ITPR2: variants seen among roughly 807,000 people sequenced by gnomAD.
The protein encoded by ITPR2 is inositol 1,4,5-trisphosphate-gated calcium channel ITPR2.
ITPR2 carries 207 observed loss-of-function variants against 317.1 expected under a neutral mutation model. The ratio of observed to expected loss-of-function variants is 0.65; its 90% CI spans 0.58 to 0.73. The LOEUF (loss-of-function observed/expected upper bound fraction) is 0.73, where lower values mean the gene tolerates loss of function less well. Ranked by LOEUF, ITPR2 falls within the 30% of genes least tolerant of loss-of-function variation. ITPR2 has a pLI of 0.00. For missense variants in ITPR2, 2,613 were observed against 3,284.0 expected (o/e 0.80, Z 4.99); for synonymous variants, 1,156 against 1,149.1 (o/e 1.01, Z -0.12).
chr12:26,661,288 G>T (rs77820960), intron 15 of ITPR2, among the ~76,000 whole-genome samples: 2 of 62,088 alleles, frequency 3.2e-5, no homozygotes, highest in Non-Finnish European at 6.4e-5. Flanking sequence ...GGGGGGGGGG[G>T]TGGGAGGGAA....
At chr12:26,711,595 C>T (rs1025197599) in intron 8 of ITPR2, among the ~76,000 whole-genome samples, 1 of 152,150 alleles carries the variant, frequency 6.6e-6, no homozygotes, top group African/African-American at 2.4e-5. Flanking sequence ...TGGCAGCTTG[C>T]ATTAAGAGCC....
At chr12:26,602,886 G>A (rs1438153568) in intron 26 of ITPR2, among the ~76,000 whole-genome samples, 180 bp from the exon 27 acceptor site, 2 of 152,120 alleles carry the variant, frequency 1.3e-5, no homozygotes, top group Non-Finnish European at 2.9e-5. Flanking sequence ...ACTGAGCCAT[G>A]CAAATTACCG....
intron 2 of ITPR2, among the ~76,000 whole-genome samples, chr12:26,777,883 G>A (rs1341789626): frequency 1.3e-5 from 2 of 152,150 alleles, no homozygotes; most frequent in Non-Finnish European, 2.9e-5. Flanking sequence ...CTGGGTAACT[G>A]TGCACTGGAG....
At chr12:26,641,446 GT>G (rs11380165) in intron 21 of ITPR2, among the ~76,000 whole-genome samples, 3 of 148,552 alleles carry the variant, frequency 2.0e-5, no homozygotes, top group Admixed American at 1.3e-4. Flanking sequence ...AAAGCTGTAG[GT>G]TTTTTTTTTA....
chr12:26,745,427 C>T (rs1356375902), intron 2 of ITPR2, among the ~76,000 whole-genome samples: 2 of 152,222 alleles, frequency 1.3e-5, no homozygotes, highest in East Asian at 3.8e-4. Context: ...AATATTCTAA[C>T]AATCCGATTA....
At chr12:26,541,803 TA>T (rs1488900757) in intron 37 of ITPR2, among the ~76,000 whole-genome samples, 1 of 152,034 alleles carries the variant, frequency 6.6e-6, no homozygotes, top group Non-Finnish European at 1.5e-5. Context: ...AAATTAGAAA[TA>T]AAAGATTAGT....
intron 26 of ITPR2, among the ~76,000 whole-genome samples, chr12:26,606,149 G>A (rs903997029): frequency 2.7e-5 from 4 of 149,760 alleles, no homozygotes; most frequent in Non-Finnish European, 4.4e-5. Context: ...GCAAAATGTA[G>A]AAGTATGACT....
intron 37 of ITPR2, among the ~76,000 whole-genome samples, chr12:26,498,908 C>A (rs1249736411): frequency 6.6e-6 from 1 of 152,066 alleles, no homozygotes; most frequent in East Asian, 1.9e-4. Flanking sequence ...ACAATCATAG[C>A]TCATTGCAAC....
intron 49 of ITPR2, among the ~76,000 whole-genome samples, chr12:26,424,434 A>C (rs1940983847): frequency 6.6e-6 from 1 of 152,170 alleles, no homozygotes; most frequent in Admixed American, 6.5e-5. Flanking sequence ...CAAACTTTTA[A>C]GTGTAAATTA....
intron 52 of ITPR2, among the ~76,000 whole-genome samples, chr12:26,404,151 G>GT (rs2136657664): frequency 6.6e-6 from 1 of 152,322 alleles, no homozygotes; most frequent in Admixed American, 6.5e-5. Context: ...CTCAACCAGG[G>GT]TAATGGGAGA....
rs191800025 is a variant in ITPR2, at chr12:26,400,134, C to T, written c.7524G>A (p.Ser2508=). 2.3e-5 allele frequency: 37 copies of T among 1,607,664 alleles called. No homozygotes were observed. In the East Asian group the frequency reaches 3.1e-4, roughly 14 times the overall value. The change falls in exon 53 of 57, where the codon TCG becomes TCA. Residue 2508 remains serine, a synonymous_variant. Coordinates refer to ENST00000381340, the MANE Select transcript of ITPR2 (RefSeq NM_002223.4). ...TACTTTTACTCTGGCTTACATCTTT[C>T]GATGGCCTTCTTAGCACATCCCCCA... The part of the protein sequence containing the change: ...GGVGDVLRRP[S]KDEPLFAARV...
At chr12:26,602,269 T>C in intron 28 of ITPR2, 101 bp downstream of exon 28, 1 of 1,326,412 alleles carries the variant, frequency 7.5e-7, no homozygotes, top group South Asian at 1.4e-5. Flanking sequence ...GGTGATTTAT[T>C]CTAAAATAAT....
intron 10 of ITPR2, 33 bp downstream of exon 10, chr12:26,695,573 G>C: frequency 6.4e-7 from 1 of 1,565,800 alleles, no homozygotes. Context: ...ACAATATGCT[G>C]AGATTTGTTG....
Position 26,494,248 on chromosome 12 carries a change from T to C in ITPR2, c.5275A>G (p.Ile1759Val), listed in dbSNP as rs1403572049. ...LDKEGASELV[I>V]DVIVNTKNDR... is the part of the protein sequence containing the mutation. ...TTTTTGGTGTTCACTATAACATCGA[T>C]GACAAGTTCTGATGCACCTTCTTTA... The change falls in exon 39 of 57, where the codon ATC becomes GTC. Residue 1759 changes from isoleucine (I) to valine (V), a missense_variant. Transcript: ENST00000381340. 7 of 1,613,616 alleles carry C rather than the reference T, an allele frequency of 4.3e-6. No homozygotes were observed. The highest frequency in any genetic ancestry group is 4.5e-5 in the East Asian group (2 of 44,856).
intron 49 of ITPR2, among the ~76,000 whole-genome samples, chr12:26,424,969 C>T (rs1341968246): frequency 6.6e-6 from 1 of 151,710 alleles, no homozygotes; most frequent in Non-Finnish European, 1.5e-5. Context: ...CCATGTTGAC[C>T]AGGCTGGTCA....
chr12:26,832,825 C>T lies in ITPR2; in HGVS notation c.-44G>A, dbSNP rs760789353. On this transcript the variant is annotated 5_prime_UTR_variant, in exon 1 of 57. Transcript: ENST00000381340. ...GTGGACGTCCCTCTTCTTCCCTGCG[C>T]CCTCGCCGCCCTCTCTCCAGGGAGC... 2.1e-6 allele frequency: 3 copies of T among 1,434,026 alleles called. No homozygotes were observed. The highest frequency in any genetic ancestry group is 1.4e-5 in the African/African-American group (1 of 69,234). The allele number at this position is 1,434,026 out of a possible 1,614,324, so 88.8% of individuals were successfully genotyped here.
chr12:26,552,682 C>T lies in ITPR2; in HGVS notation c.4965-2327G>A, dbSNP rs373761357. Among the ~76,000 whole-genome samples the T allele has an allele frequency of 3.3e-5, 5 of 152,156 alleles. No individual in the cohort carries two copies. The East Asian group carries it at 5.8e-4, about 18-fold the overall frequency. On this transcript the variant is annotated intron_variant, in intron 36 of 56. Coordinates refer to ENST00000381340, the MANE Select transcript of ITPR2 (RefSeq NM_002223.4). The stretch of plus-strand genomic sequence containing the variant: ...CTGCCTTTCTAAAACTTCTACTATT[C>T]GATTCTTTCTTTCACGCAACACTTT...
In ITPR2 at chr12:26,487,201, A is replaced by G. The variant is rs775393931; in HGVS notation, c.5421T>C (p.Phe1807=). ...LHEQKKSEKF[F]KVLYDRMKAA... ...CCTTCATTCGATCATAGAGAACTTT[A>G]AAGAATTTTTCTGACTTTTTTTGTT... Residue 1807 remains phenylalanine, a synonymous_variant, in exon 40 of 57, where the codon TTT becomes TTC. Coordinates refer to ENST00000381340, the MANE Select transcript of ITPR2 (RefSeq NM_002223.4). 60 of 1,610,628 alleles carry G rather than the reference A, an allele frequency of 3.7e-5. No individual in the cohort carries two copies. The highest frequency in any genetic ancestry group is 5.1e-5 in the Non-Finnish European group (60 of 1,179,100).
chr12:26,677,093 A>AC (rs150178596), intron 13 of ITPR2, among the ~76,000 whole-genome samples: 28,300 of 152,128 alleles, frequency 0.19, 3,541 homozygotes, highest in East Asian at 0.55. Context: ...ATTCAAGGGT[A>AC]ATTGCTAATG....
Sources: gnomAD v4.1 joint callset for allele counts (sites outside exome capture counted in the v4.1 genomes callset) on GRCh38, gnomAD v4.1.1 for gene constraint, MANE v1.5 for transcripts, NCBI Gene and HGNC (gene_info 2026-07-23, HGNC 2026-07-21) for gene names.